FARSA: variants seen among roughly 807,000 people sequenced by gnomAD.
FARSA encodes the protein phenylalanine--tRNA ligase alpha subunit.
In FARSA, 37 loss-of-function variants were observed where a neutral mutation model predicts 63.2. The observed-to-expected ratio is 0.59, with a 90% CI of 0.45 to 0.77. The LOEUF is 0.77. Ranked by LOEUF, FARSA falls within the 30% of genes least tolerant of loss-of-function variation. The pLI is 0.00. For missense variants in FARSA, 618 were observed against 696.6 expected (o/e 0.89, Z 1.27); for synonymous variants, 312 against 285.1 (o/e 1.09, Z -0.95).
At chr19:12,930,404 C>T (rs761543080) in intron 3 of FARSA, 25 bp downstream of exon 3, 1 of 1,613,112 alleles carries the variant, frequency 6.2e-7, no homozygotes, top group Non-Finnish European at 8.5e-7. Context: ...TCCACCTGCC[C>T]CCTGACCAGC....
At position 12,925,020 on chromosome 19, in the gene FARSA, G is replaced by A. The variant is rs952092514; in HGVS notation, c.927-17C>T. 6 of 1,612,786 alleles carry A rather than the reference G, an allele frequency of 3.7e-6. No individual in the cohort carries two copies. Among genetic ancestry groups the A allele is most frequent in the Non-Finnish European group, 5.1e-6 (6 of 1,178,784 alleles). On this transcript the variant is annotated splice_polypyrimidine_tract_variant and intron_variant, in intron 8 of 12. Coordinates refer to ENST00000314606, the MANE Select transcript of FARSA (RefSeq NM_004461.3). ...TACTTGTACCTTCAGGAGGGAAGGTGGGAAGTCCATGCAATGGCCCAGGGG... is the reference window on the plus strand; with the variant it reads ...TACTTGTACCTTCAGGAGGGAAGGTAGGAAGTCCATGCAATGGCCCAGGGG...
At chr19:12,930,831 G>A in intron 1 of FARSA, 82 bp from the exon 2 acceptor site, 2 of 1,527,944 alleles carry the variant, frequency 1.3e-6, no homozygotes, top group Non-Finnish European at 9.0e-7. Flanking sequence ...CTGGGTCCCA[G>A]GTTGAAAGCA....
chr19:12,933,619 C>T lies in FARSA; in HGVS notation c.78G>A (p.Leu26=). 6.4e-7 allele frequency: 1 copy of T among 1,558,276 alleles called. No individual in the cohort carries two copies. Among genetic ancestry groups the T allele is most frequent in the African/African-American group, 1.4e-5 (1 of 73,776 alleles). ...GGTGCTCCATGCCCAGCTCAGCCGCCAACTCGGCGCTGTCCAGGCCGCCAT... is the reference window on the plus strand; with the variant it reads ...GGTGCTCCATGCCCAGCTCAGCCGCTAACTCGGCGCTGTCCAGGCCGCCAT... ...ASDGGLDSAE[L]AAELGMEHQA... is the part of the protein sequence containing the mutation. The change falls in exon 1 of 13, where the codon TTG becomes TTA. Residue 26 remains leucine, a synonymous_variant. Coordinates refer to ENST00000314606, the MANE Select transcript of FARSA (RefSeq NM_004461.3).
At position 12,924,207 on chromosome 19, in the gene FARSA, CA is replaced by C; in HGVS notation, c.1331del (p.Leu444ArgfsTer23). 1 of 1,614,180 alleles carries C rather than the reference CA, an allele frequency of 6.2e-7. No individual in the cohort carries two copies. The highest frequency in any genetic ancestry group is 8.5e-7 in the Non-Finnish European group (1 of 1,180,036). ...ACACGTTCTCGGGAAGCCCCATGGG[CA>C]GCAGCATCTCTGGACGGAAGACCCC... ...NSGVFRPEML[L>X]PMGLPENVSV... On this transcript the variant is annotated frameshift_variant, in exon 12 of 13. Coordinates refer to ENST00000314606, the MANE Select transcript of FARSA (RefSeq NM_004461.3). LOFTEE classifies it high-confidence loss of function. The surrounding 1 kb of genome is among the most constrained non-coding windows in gnomAD (Gnocchi z 6.4).
At chr19:12,925,281 T>C (rs1386430342) in intron 7 of FARSA, 107 bp from the exon 8 acceptor site, 2 of 890,332 alleles carry the variant, frequency 2.2e-6, no homozygotes, top group East Asian at 2.7e-5. Flanking sequence ...GGTGGTGCAA[T>C]CTGGGCTTAC....
At chr19:12,933,344 T>A in intron 1 of FARSA, 1 of 587,470 alleles carries the variant, frequency 1.7e-6, no homozygotes, top group Non-Finnish European at 2.9e-6. Context: ...ACGCTGACCG[T>A]GCCTCAATAA....
At chr19:12,928,868 G>A (rs1300065191) in intron 4 of FARSA, 21 bp from the exon 5 acceptor site, 5 of 1,608,752 alleles carry the variant, frequency 3.1e-6, no homozygotes, top group Admixed American at 1.7e-5. Flanking sequence ...GGGAAGGAAG[G>A]GGACGCCACT....
chr19:12,924,140 T>C lies in FARSA; in HGVS notation c.1388+11A>G, dbSNP rs1466800276. The C allele has an allele frequency of 3.1e-6, 5 of 1,608,628 alleles. No homozygotes were observed. Among genetic ancestry groups the C allele is most frequent in the Non-Finnish European group, 3.4e-6 (4 of 1,175,148 alleles). On this transcript the variant is annotated intron_variant, in intron 12 of 12. Transcript: ENST00000314606. This position sits in a 1 kb window ranked among gnomAD's most constrained non-coding sequence, Gnocchi z 6.4. ...CAGCTGGACACCCCGAGTTTCCACT[T>C]GGGCACTTACCGCTCCAGGGAGAGG...
Position 12,922,585 on chromosome 19 carries a change from C to G in FARSA, c.*163G>C. The G allele has an allele frequency of 1.2e-6, 1 of 839,386 alleles. No homozygotes were observed. Among genetic ancestry groups the G allele is most frequent in the Non-Finnish European group, 1.8e-6 (1 of 548,532 alleles). The allele number at this position is 839,386 out of a possible 1,614,324, so 52.0% of individuals were successfully genotyped here. The stretch of plus-strand genomic sequence containing the variant: ...CAGGACAACAGAAGGAACCTGCTAC[C>G]CAGTCCTCTGTCCCTGGGATTCTGG... On this transcript the variant is annotated 3_prime_UTR_variant, in exon 13 of 13. Transcript: ENST00000314606.
At position 12,930,643 on chromosome 19, in the gene FARSA, G is replaced by C; in HGVS notation, c.254C>G (p.Pro85Arg). 3 of 1,613,344 alleles carry C rather than the reference G, an allele frequency of 1.9e-6. No homozygotes were observed. Among genetic ancestry groups the C allele is most frequent in the Non-Finnish European group, 2.5e-6 (3 of 1,179,532 alleles). The change falls in exon 2 of 13, where the codon CCC becomes CGC. Residue 85 changes from proline to arginine, a missense_variant. Pro to Arg is a moderately radical substitution (Grantham distance 103). Coordinates refer to ENST00000314606, the MANE Select transcript of FARSA (RefSeq NM_004461.3). Reference sequence around the variant, plus strand: ...CTCGCTCTGGGCCAGGCCCTCTGGGGGAATGCTTCGAAACACACGGGCCTC... The same window carrying C: ...CTCGCTCTGGGCCAGGCCCTCTGGGCGAATGCTTCGAAACACACGGGCCTC... Reference protein sequence around the residue: ...SHEARVFRSIPPEGLAQSELM... With the variant: ...SHEARVFRSIRPEGLAQSELM...
At position 12,924,538 on chromosome 19, in the gene FARSA, G is replaced by A. The variant is rs538279708; in HGVS notation, c.1196-12C>T. 5 of 1,613,014 alleles carry A rather than the reference G, an allele frequency of 3.1e-6. No individual in the cohort carries two copies. Among genetic ancestry groups the A allele is most frequent in the African/African-American group, 1.3e-5 (1 of 74,912 alleles). On this transcript the variant is annotated splice_polypyrimidine_tract_variant and intron_variant, in intron 10 of 12. Transcript: ENST00000314606. This position sits in a 1 kb window ranked among gnomAD's most constrained non-coding sequence, Gnocchi z 6.4. Reference sequence around the variant, plus strand: ...GAGTTGCGTGATACCTGCAGGAAGTGGGGGGCGGGCAGGAGAGCAGGGGTT... The same window carrying A: ...GAGTTGCGTGATACCTGCAGGAAGTAGGGGGCGGGCAGGAGAGCAGGGGTT...
chr19:12,924,290 G>T lies in FARSA; in HGVS notation c.1274-25C>A. On this transcript the variant is annotated intron_variant, in intron 11 of 12. Transcript: ENST00000314606. This position sits in a 1 kb window ranked among gnomAD's most constrained non-coding sequence, Gnocchi z 6.4. ...CCTGCAGAGGCAGGACAGAAAAGAC[G>T]GGCAGTGCGTGTTGAGTTTCTGGGC... is the stretch of plus-strand genomic sequence containing the variant. 1 of 1,600,140 alleles carries T rather than the reference G, an allele frequency of 6.2e-7. No individual in the cohort carries two copies. The highest frequency in any genetic ancestry group is 1.1e-5 in the South Asian group (1 of 90,830).
At chr19:12,928,212 C>T (rs1282343952) in intron 7 of FARSA, 130 bp downstream of exon 7, 6 of 689,310 alleles carry the variant, frequency 8.7e-6, no homozygotes, top group African/African-American at 7.2e-5. Context: ...CCCAAATAGC[C>T]GGACTACAGG....
rs773619266 is a variant in FARSA at position 12,922,904 on chromosome 19, A to G, written c.1389-18T>C. 4 of 1,613,902 alleles carry G rather than the reference A, an allele frequency of 2.5e-6. 1 individual carries two copies. The highest frequency in any genetic ancestry group is 3.4e-6 in the Non-Finnish European group (4 of 1,179,968). On this transcript the variant is annotated intron_variant, in intron 12 of 12. Transcript: ENST00000314606. ...TCGTTGGGCTTGTGGGGGAGGGAAC[A>G]GAGTTTATCATGAGGTCAGCACGTG...
rs768203539 is a variant in FARSA, at chr19:12,928,646, C to T, written c.614G>A (p.Arg205Gln). The T allele has an allele frequency of 1.6e-5, 26 of 1,610,610 alleles. No individual in the cohort carries two copies. Among genetic ancestry groups the T allele is most frequent in the Non-Finnish European group, 2.0e-5 (24 of 1,178,494 alleles). ...CAAGAAGTTGTAGGGCTTGAAGGGC[C>T]GGTCCCGCCAAGAGCCACTGGGGGA... ...EMISSGSWRD[R>Q]PFKPYNFLAH... The change falls in exon 6 of 13, where the codon CGG becomes CAG. Residue 205 changes from arginine (R) to glutamine (Q), a missense_variant. Physicochemically the swap from Arg to Gln is conservative, Grantham distance 43 (BLOSUM62 1). Coordinates refer to ENST00000314606, the MANE Select transcript of FARSA (RefSeq NM_004461.3).
intron 12 of FARSA, among the ~76,000 whole-genome samples, chr19:12,923,242 T>G (rs1971284981): frequency 6.6e-6 from 1 of 152,162 alleles, no homozygotes; most frequent in African/African-American, 2.4e-5. Flanking sequence ...GTAGTTGCCT[T>G]AGCCCTCCCT....
Position 12,924,762 on chromosome 19 carries a change from G to A in FARSA, c.1072C>T (p.Arg358Trp), listed in dbSNP as rs1466031326. ...TGCGTGGCGTCCAGGGTCTCATTCC[G>A]GAATACGCGGTCGATGGAGAAGTAC... Reference protein sequence around the residue: ...VKYFSIDRVFRNETLDATHLA... With the variant: ...VKYFSIDRVFWNETLDATHLA... The change falls in exon 10 of 13, where the codon CGG becomes TGG. Residue 358 changes from arginine to tryptophan, a missense_variant. Coordinates refer to ENST00000314606, the MANE Select transcript of FARSA (RefSeq NM_004461.3). The surrounding 1 kb of genome is among the most constrained non-coding windows in gnomAD (Gnocchi z 6.4). 3.7e-6 allele frequency: 6 copies of A among 1,602,392 alleles called. No homozygotes were observed. The highest frequency in any genetic ancestry group is 5.1e-6 in the Non-Finnish European group (6 of 1,172,078).
intron 1 of FARSA, 53 bp from the exon 2 acceptor site, chr19:12,930,802 G>A: frequency 6.3e-7 from 1 of 1,595,424 alleles, no homozygotes; most frequent in Admixed American, 1.7e-5. Context: ...TCAGAGCCAG[G>A]CACCCCCTTT....
At chr19:12,926,334 T>C (rs1488332219) in intron 7 of FARSA, among the ~76,000 whole-genome samples, 1 of 150,862 alleles carries the variant, frequency 6.6e-6, no homozygotes, top group Non-Finnish European at 1.5e-5. Context: ...TGCAGTGGCA[T>C]GATCTCGGCT....
Sources: allele counts gnomAD v4.1 joint callset (sites outside exome capture counted in the v4.1 genomes callset), GRCh38; gene constraint gnomAD v4.1.1; non-coding constraint Gnocchi (gnomAD v3.1); transcripts MANE v1.5; gene names NCBI Gene and HGNC (gene_info 2026-07-23, HGNC 2026-07-21).